Variants in ATG5 observed in about 807,000 individuals in gnomAD.
ATG5 encodes autophagy protein 5.
ATG5 carries 14 observed loss-of-function variants against 36.5 expected under a neutral mutation model. The observed-to-expected ratio is 0.38, with a 90% CI of 0.25 to 0.60. ATG5 has a LOEUF of 0.60. ATG5 is among the 20% of genes least tolerant of loss of function. The pLI is 0.60. For missense variants in ATG5, 195 were observed against 326.7 expected, an observed-to-expected ratio of 0.60 and a Z score of 3.11; for synonymous variants, 95 against 101.5, an observed-to-expected ratio of 0.94 and a Z score of 0.38.
chr6:106,227,492 C>T (rs1034616921), intron 6 of ATG5, among the ~76,000 whole-genome samples: 4 of 152,042 alleles, frequency 2.6e-5, no homozygotes, highest in African/African-American at 4.8e-5. Context: ...GCTACTCAGG[C>T]GGCTAAGGTG....
intron 7 of ATG5, among the ~76,000 whole-genome samples, chr6:106,194,801 G>T (rs1281979082): frequency 6.6e-6 from 1 of 152,058 alleles, no homozygotes; most frequent in African/African-American, 2.4e-5. Context: ...TTACCACGTT[G>T]TTATACATTA....
intron 7 of ATG5, among the ~76,000 whole-genome samples, chr6:106,187,158 CT>C (rs1158064512): frequency 6.6e-5 from 10 of 152,104 alleles, no homozygotes; most frequent in Non-Finnish European, 1.5e-4. Flanking sequence ...CACAGGTGAG[CT>C]TTAGTTGTTT....
intron 3 of ATG5, among the ~76,000 whole-genome samples, chr6:106,295,913 A>T (rs1347577023): frequency 6.6e-6 from 1 of 152,238 alleles, no homozygotes; most frequent in Non-Finnish European, 1.5e-5. Flanking sequence ...GTTAAACATA[A>T]GACTCAATCA....
At chr6:106,271,801 T>A (rs962255451) in intron 5 of ATG5, 1 of 149,498 alleles carries the variant, frequency 6.7e-6, no homozygotes, top group South Asian at 2.1e-4. Context: ...AAAAAAAAAA[T>A]GGTGGGAAAT....
chr6:106,247,624 C>T (rs1778395991), intron 6 of ATG5, among the ~76,000 whole-genome samples: 2 of 152,198 alleles, frequency 1.3e-5, no homozygotes, highest in African/African-American at 2.4e-5. Flanking sequence ...CTGATCAATA[C>T]ATAACCTTGT....
intron 6 of ATG5, among the ~76,000 whole-genome samples, chr6:106,224,426 A>G (rs1348153493): frequency 6.6e-6 from 1 of 152,240 alleles, no homozygotes; most frequent in Non-Finnish European, 1.5e-5. Flanking sequence ...AAAGTGATCA[A>G]AAGAGTTATT....
At chr6:106,228,675 A>C (rs1163315629) in intron 6 of ATG5, among the ~76,000 whole-genome samples, 1 of 152,152 alleles carries the variant, frequency 6.6e-6, no homozygotes, top group African/African-American at 2.4e-5. Context: ...ACCCGCAACC[A>C]TGAAGGGATC....
chr6:106,206,648 C>CAAAAAA (rs57955030), intron 6 of ATG5, among the ~76,000 whole-genome samples: 1 of 118,128 alleles, frequency 8.5e-6, no homozygotes, highest in Non-Finnish European at 1.8e-5. Flanking sequence ...GAAACTGTCT[C>CAAAAAA]AAAAAAAAAA....
At chr6:106,237,595 A>G (rs1333021316) in intron 6 of ATG5, among the ~76,000 whole-genome samples, 1 of 152,208 alleles carries the variant, frequency 6.6e-6, no homozygotes, top group East Asian at 1.9e-4. Flanking sequence ...ATTTTACAAG[A>G]TATAAAGTGC....
intron 1 of ATG5, among the ~76,000 whole-genome samples, chr6:106,318,891 T>C (rs1770961022): frequency 6.6e-6 from 1 of 152,098 alleles, no homozygotes; most frequent in Non-Finnish European, 1.5e-5. Context: ...GTAAGAAAAA[T>C]TGGGGATACA....
intron 5 of ATG5, among the ~76,000 whole-genome samples, chr6:106,267,488 A>G (rs943492589): frequency 2.0e-5 from 3 of 152,200 alleles, no homozygotes; most frequent in African/African-American, 7.2e-5. Context: ...CAAAAAAACT[A>G]CTTTAAATTT....
chr6:106,203,871 AG>A, intron 6 of ATG5, among the ~76,000 whole-genome samples: 1 of 152,328 alleles, frequency 6.6e-6, no homozygotes. Flanking sequence ...TTTTAATGAC[AG>A]AGGTATACCT....
chr6:106,290,656 A>G (rs1780268436), intron 4 of ATG5, among the ~76,000 whole-genome samples: 1 of 152,182 alleles, frequency 6.6e-6, no homozygotes, highest in Non-Finnish European at 1.5e-5. Context: ...AAACATTACC[A>G]GTGAACATTT....
intron 1 of ATG5, among the ~76,000 whole-genome samples, chr6:106,323,492 G>T (rs981728155): frequency 6.6e-6 from 1 of 151,660 alleles, no homozygotes; most frequent in Non-Finnish European, 1.5e-5. Flanking sequence ...CCAGGCTGGG[G>T]ATTCTCTCAA....
At chr6:106,324,591 T>G (rs1771220831) in intron 1 of ATG5, among the ~76,000 whole-genome samples, 1 of 152,336 alleles carries the variant, frequency 6.6e-6, no homozygotes, top group East Asian at 1.9e-4. Flanking sequence ...TAGGAGGTAC[T>G]CAGTTTGGGG....
At chr6:106,227,535 G>C (rs1322939217) in intron 6 of ATG5, among the ~76,000 whole-genome samples, 1 of 152,190 alleles carries the variant, frequency 6.6e-6, no homozygotes, top group African/African-American at 2.4e-5. Flanking sequence ...GTTGGAGGCT[G>C]CAGTGAGCTA....
In ATG5 at chr6:106,244,665, T is replaced by C. The variant is rs1048414560; in HGVS notation, c.573+3485A>G. Among the ~76,000 whole-genome samples, 6 of 152,236 alleles carry C rather than the reference T, an allele frequency of 3.9e-5. No individual in the cohort carries two copies. The East Asian group carries it at 9.6e-4, about 24-fold the overall frequency. On this transcript the variant is annotated intron_variant, in intron 6 of 7. Coordinates refer to ENST00000369076, the MANE Select transcript of ATG5 (RefSeq NM_004849.4). ...CACAGTTCCAATGTTATATTTGTAT[T>C]CTTAGTTGATTTGTTTCTTTCCACC...
chr6:106,208,794 A>G (rs988261665), intron 6 of ATG5, among the ~76,000 whole-genome samples: 5 of 152,248 alleles, frequency 3.3e-5, no homozygotes, highest in South Asian at 2.1e-4. Context: ...TCTTGTGTCT[A>G]TAATATATAA....
At chr6:106,219,476 C>A (rs1777159572) in intron 6 of ATG5, among the ~76,000 whole-genome samples, 1 of 152,096 alleles carries the variant, frequency 6.6e-6, no homozygotes, top group Non-Finnish European at 1.5e-5. Flanking sequence ...GTTTTTGTAC[C>A]AAACATGTAC....
Sources: gnomAD v4.1 joint callset for allele counts (sites outside exome capture counted in the v4.1 genomes callset) on GRCh38, gnomAD v4.1.1 for gene constraint, MANE v1.5 for transcripts, NCBI Gene and HGNC (gene_info 2026-07-23, HGNC 2026-07-21) for gene names.